Variants in DPYD observed in about 807,000 individuals in gnomAD.
DPYD encodes the protein dihydropyrimidine dehydrogenase [NADP(+)].
DPYD carries 109 observed loss-of-function variants against 116.2 expected under a neutral mutation model. The observed-to-expected ratio is 0.94, with a 90% CI of 0.80 to 1.10. The LOEUF is 1.10. Among genes scored for constraint, DPYD ranks in the 50% least tolerant of loss-of-function variants. The pLI, the probability that DPYD is intolerant of heterozygous loss-of-function variation, is 0.00. For missense variants in DPYD, 1,302 were observed against 1,254.5 expected (o/e 1.04, Z -0.57); for synonymous variants, 440 against 432.0 (o/e 1.02, Z -0.23).
rs10681575 is a variant in DPYD at position 97,333,060 on chromosome 1, C to CT, written c.2059-26764dup. Among the ~76,000 whole-genome samples, 960 of 133,854 alleles carry CT rather than the reference C, an allele frequency of 7.2e-3. 14 individuals carry two copies. Among genetic ancestry groups the CT allele is most frequent in the Middle Eastern group, 0.012 (3 of 256 alleles). The allele number at this position is 133,854 out of a possible 152,430, so 87.8% of individuals were successfully genotyped here. On this transcript the variant is annotated intron_variant, in intron 16 of 22. Coordinates refer to ENST00000370192, the MANE Select transcript of DPYD (RefSeq NM_000110.4). Reference sequence around the variant, plus strand: ...CCCCAAAGAAAGCCAACTGCTAATTCTTTTTTTTTTTTTTTTCAGACAGAG... The same window carrying CT: ...CCCCAAAGAAAGCCAACTGCTAATTCTTTTTTTTTTTTTTTTTCAGACAGAG...
At chr1:97,170,762 G>A (rs1245719721) in intron 20 of DPYD, among the ~76,000 whole-genome samples, 2 of 150,792 alleles carry the variant, frequency 1.3e-5, no homozygotes, top group South Asian at 2.1e-4. Flanking sequence ...TGCAACCTCC[G>A]CCTCCTGGGT....
At chr1:97,324,085 G>C (rs937719675) in intron 16 of DPYD, among the ~76,000 whole-genome samples, 2 of 151,924 alleles carry the variant, frequency 1.3e-5, no homozygotes, top group Non-Finnish European at 2.9e-5. Context: ...CAGTAGTGGT[G>C]GATATCAACC....
intron 7 of DPYD, among the ~76,000 whole-genome samples, chr1:97,684,493 C>T (rs1353215146): frequency 6.6e-6 from 1 of 150,436 alleles, no homozygotes; most frequent in Non-Finnish European, 1.5e-5. Context: ...ACTCCAAGAG[C>T]GGAACTGAAG....
intron 3 of DPYD, among the ~76,000 whole-genome samples, chr1:97,821,263 G>A (rs745528349): frequency 1.4e-4 from 21 of 149,918 alleles, no homozygotes; most frequent in Middle Eastern, 6.9e-3. Flanking sequence ...CCTGGGAGGC[G>A]GAAGTTGCAG....
intron 3 of DPYD, among the ~76,000 whole-genome samples, chr1:97,756,137 A>G (rs1333719): frequency 1 from 151,943 of 152,258 alleles, 75,814 homozygotes; most frequent in Middle Eastern, 1. Flanking sequence ...GGGGGAACAC[A>G]GAAGGGAAGT....
At chr1:97,102,459 T>TCTATCTATCTATC (rs71071629) in intron 20 of DPYD, among the ~76,000 whole-genome samples, 1 of 125,094 alleles carries the variant, frequency 8.0e-6, no homozygotes, top group African/African-American at 3.0e-5. Context: ...CTGAAATCTA[T>TCTATCTATCTATC]TATCTATCTA....
intron 3 of DPYD, among the ~76,000 whole-genome samples, chr1:97,817,540 G>A (rs868826210): frequency 6.6e-6 from 1 of 151,974 alleles, no homozygotes; most frequent in South Asian, 2.1e-4. Context: ...TTTTATTATA[G>A]TATATTGTGA....
At chr1:97,117,123 C>T (rs1448735405) in intron 20 of DPYD, among the ~76,000 whole-genome samples, 7 of 151,808 alleles carry the variant, frequency 4.6e-5, no homozygotes, top group Non-Finnish European at 1.5e-5. Flanking sequence ...GAGATCACAC[C>T]ACTGCATTCC....
In DPYD at chr1:97,399,633, G is replaced by T. The variant is rs368686017; in HGVS notation, c.1906-17172C>A. 9.4e-4 allele frequency among the ~76,000 whole-genome samples: 143 copies of T among 152,178 alleles called. 3 individuals are homozygous for T. In the South Asian group the frequency reaches 0.024, roughly 25 times the overall value. Reference sequence around the variant, plus strand: ...TCCTCTTTTATTATGTTGAGCAGTGGTTTGTAGTTCTCCTTGAAGAGGTCC... The same window carrying T: ...TCCTCTTTTATTATGTTGAGCAGTGTTTTGTAGTTCTCCTTGAAGAGGTCC... On this transcript the variant is annotated intron_variant, in intron 14 of 22. Transcript: ENST00000370192.
intron 13 of DPYD, among the ~76,000 whole-genome samples, chr1:97,481,309 G>A (rs973185945): frequency 6.6e-5 from 10 of 152,116 alleles, no homozygotes; most frequent in African/African-American, 1.2e-4. Flanking sequence ...GCTAGAGATC[G>A]GAGGTAGAGG....
intron 14 of DPYD, among the ~76,000 whole-genome samples, chr1:97,387,169 C>T (rs1050638018): frequency 6.6e-6 from 1 of 151,966 alleles, no homozygotes; most frequent in Non-Finnish European, 1.5e-5. Context: ...GATAGTGAAA[C>T]CCAGATGCTA....
At chr1:97,332,803 G>A (rs1190104903) in intron 16 of DPYD, among the ~76,000 whole-genome samples, 2 of 152,126 alleles carry the variant, frequency 1.3e-5, no homozygotes, top group Non-Finnish European at 2.9e-5. Context: ...CTAAATCTCT[G>A]AGAGTCATAG....
chr1:97,251,413 A>T (rs1663087606), intron 18 of DPYD, among the ~76,000 whole-genome samples: 2 of 138,184 alleles, frequency 1.4e-5, no homozygotes. Flanking sequence ...AAAAAAAAAA[A>T]GAAAGAAAAA....
intron 1 of DPYD, among the ~76,000 whole-genome samples, chr1:97,891,693 T>C (rs970814301): frequency 1.3e-5 from 2 of 151,780 alleles, no homozygotes; most frequent in Non-Finnish European, 2.9e-5. Context: ...ACAAACAAAA[T>C]CACTAAATCT....
intron 8 of DPYD, among the ~76,000 whole-genome samples, chr1:97,622,487 T>C (rs973833212): frequency 6.6e-6 from 1 of 151,884 alleles, no homozygotes; most frequent in African/African-American, 2.4e-5. Context: ...TAAGAAGACA[T>C]GGCCACTAAA....
intron 20 of DPYD, among the ~76,000 whole-genome samples, chr1:97,185,556 C>CA (rs1241205094): frequency 6.6e-6 from 1 of 151,734 alleles, no homozygotes; most frequent in Non-Finnish European, 1.5e-5. Context: ...TTTATAACAC[C>CA]AAAAAAGTGA....
intron 20 of DPYD, among the ~76,000 whole-genome samples, chr1:97,152,457 C>T (rs1459846313): frequency 6.6e-5 from 10 of 151,746 alleles, no homozygotes; most frequent in Admixed American, 4.6e-4. Flanking sequence ...CACACACACA[C>T]ACACACACAC....
chr1:97,698,613 A>AT (rs1271647307), intron 6 of DPYD, among the ~76,000 whole-genome samples: 1 of 151,872 alleles, frequency 6.6e-6, no homozygotes, highest in Non-Finnish European at 1.5e-5. Flanking sequence ...GTAATCCATG[A>AT]TTTTTTTGAT....
In DPYD at chr1:97,193,308, T is replaced by C. The variant is rs1461628020; in HGVS notation, c.2443-60A>G. On this transcript the variant is annotated intron_variant, in intron 19 of 22. Transcript: ENST00000370192. The stretch of plus-strand genomic sequence containing the variant: ...CCAAGAGATAATTCTCCAAACAAAT[T>C]CACTTTTCTTTGAGTCAACAAATAT... 3 of 1,530,696 alleles carry C rather than the reference T, an allele frequency of 2.0e-6. No homozygotes were observed. In the African/African-American group the frequency reaches 4.1e-5, roughly 21 times the overall value. The allele number at this position is 1,530,696 out of a possible 1,614,324, so 94.8% of individuals were successfully genotyped here.
Sources: gnomAD v4.1 joint callset for allele counts (sites outside exome capture counted in the v4.1 genomes callset) on GRCh38, gnomAD v4.1.1 for gene constraint, MANE v1.5 for transcripts, NCBI Gene and HGNC (gene_info 2026-07-23, HGNC 2026-07-21) for gene names.